Variants in SPATC1 observed in about 807,000 individuals in gnomAD.
SPATC1 encodes speriolin.
Under a neutral mutation model 36.5 loss-of-function variants are expected in SPATC1, and 35 were observed. That is an observed-to-expected ratio of 0.96 (90% confidence interval 0.73 to 1.27). SPATC1 has a LOEUF of 1.27. Among genes scored for constraint, SPATC1 ranks in the 50% most tolerant of loss-of-function variants. SPATC1 has a pLI of 0.00. For synonymous variants in SPATC1, 361 were observed against 353.6 expected, an observed-to-expected ratio of 1.02 and a Z score of -0.24; for missense variants, 779 against 796.0, an observed-to-expected ratio of 0.98 and a Z score of 0.26.
chr8:144,016,338 T>C lies in SPATC1; in HGVS notation c.211+3612T>C, dbSNP rs1285293997. On this transcript the variant is annotated intron_variant, in intron 1 of 4. Coordinates refer to ENST00000377470, the MANE Select transcript of SPATC1 (RefSeq NM_198572.3). The surrounding 1 kb of genome is among the most constrained non-coding windows in gnomAD (Gnocchi z 4.5). ...TGATTTGTGAGTGAATGTGTGCATA[T>C]GGCTCTGTGTGTGTGTGAGTTGCTG... 1.3e-5 allele frequency among the ~76,000 whole-genome samples: 2 copies of C among 152,102 alleles called. No individual in the cohort carries two copies. The highest frequency in any genetic ancestry group is 1.3e-4 in the Admixed American group (2 of 15,268).
chr8:144,036,969 G>A (rs1400232029), intron 1 of SPATC1, among the ~76,000 whole-genome samples: 1 of 151,690 alleles, frequency 6.6e-6, no homozygotes, highest in East Asian at 2.0e-4. Context: ...TGTGTGTCCC[G>A]TGACAAGTGG....
At chr8:144,026,038 A>G (rs1462739183) in intron 1 of SPATC1, among the ~76,000 whole-genome samples, 11 of 152,206 alleles carry the variant, frequency 7.2e-5, no homozygotes, top group Non-Finnish European at 5.9e-5. Flanking sequence ...ATTTTAGAAC[A>G]CTTTCATCAC....
chr8:144,028,360 GA>G (rs1184295434), intron 1 of SPATC1, among the ~76,000 whole-genome samples: 48,551 of 145,808 alleles, frequency 0.33, 8,087 homozygotes, highest in South Asian at 0.42. Context: ...AAATTTACAA[GA>G]AAAAAAAAAA....
rs1190402771 is a variant in SPATC1 at position 144,045,586 on chromosome 8, T to G, written c.1447-1041T>G. On this transcript the variant is annotated intron_variant, in intron 4 of 4. Coordinates refer to ENST00000377470, the MANE Select transcript of SPATC1 (RefSeq NM_198572.3). The surrounding 1 kb of genome is among the most constrained non-coding windows in gnomAD (Gnocchi z 5.2). ...ATGGGGGGACACTGGAGGGTGGCCC[T>G]CCCCCAAGTGTTGGAGCAGCGGAAA... Among the ~76,000 whole-genome samples the G allele has an allele frequency of 1.3e-5, 2 of 151,956 alleles. No individual in the cohort carries two copies. The highest frequency in any genetic ancestry group is 2.4e-5 in the African/African-American group (1 of 41,370).
rs562456919 is a variant in SPATC1, at chr8:144,016,498, G to A, written c.211+3772G>A. ...GTGTTCATGTGTGACAGGGGCCAGG[G>A]AGAGGTGAAAAATGCAGCTAGAGGC... On this transcript the variant is annotated intron_variant, in intron 1 of 4. Coordinates refer to ENST00000377470, the MANE Select transcript of SPATC1 (RefSeq NM_198572.3). This position sits in a 1 kb window ranked among gnomAD's most constrained non-coding sequence, Gnocchi z 4.5. Among the ~76,000 whole-genome samples the A allele has an allele frequency of 6.6e-5, 10 of 152,170 alleles. No homozygotes were observed. Among genetic ancestry groups the A allele is most frequent in the African/African-American group, 1.9e-4 (8 of 41,498 alleles).
intron 1 of SPATC1, among the ~76,000 whole-genome samples, chr8:144,036,534 G>A (rs969534853): frequency 8.1e-4 from 123 of 152,136 alleles, no homozygotes; most frequent in African/African-American, 2.8e-3. Context: ...ATGTTGCCCA[G>A]GCTGGTCTCG....
intron 1 of SPATC1, among the ~76,000 whole-genome samples, chr8:144,026,269 T>A (rs1001597999): frequency 6.6e-6 from 1 of 152,196 alleles, no homozygotes; most frequent in Non-Finnish European, 1.5e-5. Context: ...CTGGCTATAG[T>A]TAGGGTTTTT....
intron 1 of SPATC1, among the ~76,000 whole-genome samples, chr8:144,027,716 G>A (rs1161437559): frequency 1.3e-5 from 2 of 152,146 alleles, no homozygotes; most frequent in African/African-American, 4.8e-5. Context: ...TCTCAGGCTG[G>A]GCACAGTAGC....
Position 144,038,792 on chromosome 8 carries a change from C to T in SPATC1, c.212-1117C>T, listed in dbSNP as rs148381484. On this transcript the variant is annotated intron_variant, in intron 1 of 4. Transcript: ENST00000377470. ...TGAAATCCAAAATGTCGTATTCATC[C>T]ATAAAGGTTTGTTGCCATACACCCT... Among the ~76,000 whole-genome samples the T allele has an allele frequency of 3.3e-5, 5 of 152,278 alleles. No homozygotes were observed. The East Asian group carries it at 9.7e-4, about 29-fold the overall frequency.
Position 144,046,651 on chromosome 8 carries a change from A to G in SPATC1, c.1471A>G (p.Lys491Glu). ...IQASLNPSDH[K>E]LDEKLCQRLT... is the part of the protein sequence containing the mutation. ...GGCTTCCCTGAACCCCAGTGACCACAAGCTGGATGAGAAGCTGTGCCAGAG... is the reference window on the plus strand; with the variant it reads ...GGCTTCCCTGAACCCCAGTGACCACGAGCTGGATGAGAAGCTGTGCCAGAG... Residue 491 changes from lysine to glutamate, a missense_variant, in exon 5 of 5, where the codon AAG becomes GAG. Coordinates refer to ENST00000377470, the MANE Select transcript of SPATC1 (RefSeq NM_198572.3). The surrounding 1 kb of genome is among the most constrained non-coding windows in gnomAD (Gnocchi z 6.6). The G allele has an allele frequency of 6.2e-7, 1 of 1,610,938 alleles. No homozygotes were observed. The highest frequency in any genetic ancestry group is 8.5e-7 in the Non-Finnish European group (1 of 1,179,678).
rs1214998964 is a variant in SPATC1 at position 144,031,705 on chromosome 8, C to CT, written c.212-8195dup. 6.9e-5 allele frequency among the ~76,000 whole-genome samples: 10 copies of CT among 144,928 alleles called. No homozygotes were observed. The South Asian group carries it at 8.6e-4, about 13-fold the overall frequency. On this transcript the variant is annotated intron_variant, in intron 1 of 4. Coordinates refer to ENST00000377470, the MANE Select transcript of SPATC1 (RefSeq NM_198572.3). The stretch of plus-strand genomic sequence containing the variant: ...ATTTCTTCAACTATTTTTTCTTTTT[C>CT]TTTTTTTTTCTTTCTTTCTTTTTTT...
Position 144,016,882 on chromosome 8 carries a change from G to A in SPATC1, c.211+4156G>A, listed in dbSNP as rs1405648292. On this transcript the variant is annotated intron_variant, in intron 1 of 4. Coordinates refer to ENST00000377470, the MANE Select transcript of SPATC1 (RefSeq NM_198572.3). This position sits in a 1 kb window ranked among gnomAD's most constrained non-coding sequence, Gnocchi z 4.5. ...TCAAACTCCCGACTTCAGGTGATCC[G>A]CCCACCTTGGCCTCCCAAAGTGCTG... is the stretch of plus-strand genomic sequence containing the variant. Among the ~76,000 whole-genome samples, 1 of 152,060 alleles carries A rather than the reference G, an allele frequency of 6.6e-6. No homozygotes were observed. The highest frequency in any genetic ancestry group is 1.5e-5 in the Non-Finnish European group (1 of 68,006).
intron 1 of SPATC1, among the ~76,000 whole-genome samples, chr8:144,032,281 T>C (rs1421357485): frequency 1.3e-5 from 2 of 152,130 alleles, no homozygotes; most frequent in African/African-American, 2.4e-5. Flanking sequence ...TTTTTATTAT[T>C]TTATTTTATT....
chr8:144,018,051 A>C (rs1426412071), intron 1 of SPATC1, among the ~76,000 whole-genome samples: 5 of 152,168 alleles, frequency 3.3e-5, no homozygotes, highest in Non-Finnish European at 2.9e-5. Flanking sequence ...ACAGTAAGAG[A>C]CTGAAGGACA....
At chr8:144,044,680 C>T (rs756568891) in intron 4 of SPATC1, among the ~76,000 whole-genome samples, 28 of 151,714 alleles carry the variant, frequency 1.8e-4, no homozygotes, top group Non-Finnish European at 3.2e-4. Flanking sequence ...GGCATGGTGG[C>T]TCACGCCTGT....
rs7838600 is a variant in SPATC1 at position 144,044,193 on chromosome 8, T to C, written c.1447-2434T>C. Among the ~76,000 whole-genome samples, 1,418 of 152,196 alleles carry C rather than the reference T, an allele frequency of 9.3e-3. 24 individuals are homozygous for C. The highest frequency in any genetic ancestry group is 0.032 in the African/African-American group (1,325 of 41,528). The stretch of plus-strand genomic sequence containing the variant: ...TCAATAATAGAGGTGATGCATGCTC[T>C]GGGAACAGGGGAGCAGAGAGAAGGT... On this transcript the variant is annotated intron_variant, in intron 4 of 4. Transcript: ENST00000377470.
At chr8:144,026,602 G>C (rs1029980097) in intron 1 of SPATC1, among the ~76,000 whole-genome samples, 2 of 152,080 alleles carry the variant, frequency 1.3e-5, no homozygotes, top group African/African-American at 2.4e-5. Flanking sequence ...CCAAATCCTT[G>C]CCAATATGTG....
chr8:144,030,053 T>C (rs1834763528), intron 1 of SPATC1, among the ~76,000 whole-genome samples: 1 of 152,260 alleles, frequency 6.6e-6, no homozygotes. Context: ...TGTTCTTCTT[T>C]GCCTTTTGTA....
At chr8:144,023,315 G>T (rs1440858875) in intron 1 of SPATC1, among the ~76,000 whole-genome samples, 2 of 674 alleles carry the variant, frequency 3.0e-3, no homozygotes, top group Non-Finnish European at 2.7e-3. Flanking sequence ...CCCTCCCCCT[G>T]AGGAACCTCT....
Sources: allele counts gnomAD v4.1 joint callset (sites outside exome capture counted in the v4.1 genomes callset), GRCh38; gene constraint gnomAD v4.1.1; non-coding constraint Gnocchi (gnomAD v3.1); transcripts MANE v1.5; gene names NCBI Gene and HGNC (gene_info 2026-07-23, HGNC 2026-07-21).